Variants in TRIM24 observed in about 807,000 individuals in gnomAD.
The protein encoded by TRIM24 is tripartite motif containing 24, also known as transcription intermediary factor 1-alpha.
A neutral mutation model predicts 123.9 loss-of-function variants in TRIM24; 29 were observed. The observed-to-expected ratio is 0.23, with a 90% CI of 0.17 to 0.32. The LOEUF (loss-of-function observed/expected upper bound fraction) is 0.32. Among genes scored for constraint, TRIM24 ranks in the 10% least tolerant of loss-of-function variants. The pLI, the probability that TRIM24 is intolerant of heterozygous loss-of-function variation, is 1.00. For missense variants in TRIM24, 932 were observed against 1,295.3 expected (o/e 0.72, Z 4.31); for synonymous variants, 456 against 461.1 (o/e 0.99, Z 0.14).
chr7:138,460,453 G>A lies in TRIM24; in HGVS notation c.-96G>A. 8.3e-7 allele frequency: 1 copy of A among 1,205,836 alleles called. No homozygotes were observed. The highest frequency in any genetic ancestry group is 1.0e-6 in the Non-Finnish European group (1 of 960,290). 74.7% of individuals were successfully genotyped at this position (1,205,836 alleles called of 1,614,324 possible). ...GGCGCTGCCGCGAGTCCACCGAGCG[G>A]CCTCTGAGGAGCAGCCGCAGGAGGA... is the stretch of plus-strand genomic sequence containing the variant. On this transcript the variant is annotated 5_prime_UTR_variant, in exon 1 of 19. Coordinates refer to ENST00000343526, the MANE Select transcript of TRIM24 (RefSeq NM_015905.3).
intron 1 of TRIM24, among the ~76,000 whole-genome samples, chr7:138,485,055 A>G (rs1233132043): frequency 6.6e-6 from 1 of 151,972 alleles, no homozygotes; most frequent in Non-Finnish European, 1.5e-5. Context: ...TGCTGATTTT[A>G]TAGGCCTTCC....
intron 1 of TRIM24, among the ~76,000 whole-genome samples, chr7:138,481,708 G>A (rs1355213944): frequency 2.0e-5 from 3 of 152,014 alleles, no homozygotes; most frequent in East Asian, 3.9e-4. Context: ...CTACTTGAGA[G>A]GCTAATGTGG....
chr7:138,566,057 C>G (rs1397714180), intron 9 of TRIM24, among the ~76,000 whole-genome samples: 1 of 152,158 alleles, frequency 6.6e-6, no homozygotes, highest in Non-Finnish European at 1.5e-5. Context: ...ATAGTTTTAT[C>G]AAAGCTTTGC....
At chr7:138,545,165 T>C (rs1426908179) in intron 7 of TRIM24, among the ~76,000 whole-genome samples, 1 of 138,054 alleles carries the variant, frequency 7.2e-6, no homozygotes, top group Non-Finnish European at 1.7e-5. Context: ...AAAATCTGCG[T>C]GTGTGTGTGT....
chr7:138,537,981 G>T (rs1796929269), intron 6 of TRIM24, among the ~76,000 whole-genome samples: 1 of 152,182 alleles, frequency 6.6e-6, no homozygotes, highest in South Asian at 2.1e-4. Context: ...CCCAAGTTCA[G>T]TGTGCTCTAC....
At chr7:138,568,205 G>A (rs936371055) in intron 10 of TRIM24, among the ~76,000 whole-genome samples, 6 of 151,658 alleles carry the variant, frequency 4.0e-5, no homozygotes, top group African/African-American at 1.5e-4. Context: ...TGCAAACTCT[G>A]CCTCCTGGGT....
intron 1 of TRIM24, among the ~76,000 whole-genome samples, chr7:138,470,123 ATTTTTTT>A (rs10542175): frequency 3.1e-3 from 251 of 81,444 alleles, no homozygotes; most frequent in African/African-American, 0.011. Context: ...TACAAGTATA[ATTTTTTT>A]TTTTTTTTTT....
intron 6 of TRIM24, among the ~76,000 whole-genome samples, chr7:138,531,171 A>G (rs1394976795): frequency 7.6e-6 from 1 of 131,774 alleles, no homozygotes; most frequent in East Asian, 1.9e-4. Context: ...CATGTGCACA[A>G]CGTGCACATA....
At chr7:138,563,015 T>C (rs1797458882) in intron 9 of TRIM24, among the ~76,000 whole-genome samples, 1 of 152,190 alleles carries the variant, frequency 6.6e-6, no homozygotes, top group Admixed American at 6.5e-5. Flanking sequence ...CAAAGTGGCC[T>C]CTTCTCTGAG....
At chr7:138,471,123 C>G (rs1359784352) in intron 1 of TRIM24, among the ~76,000 whole-genome samples, 1 of 152,178 alleles carries the variant, frequency 6.6e-6, no homozygotes, top group Non-Finnish European at 1.5e-5. Flanking sequence ...GACTGACATC[C>G]TCCATTACAA....
At chr7:138,479,797 C>T (rs573158624) in intron 1 of TRIM24, among the ~76,000 whole-genome samples, 22 of 151,426 alleles carry the variant, frequency 1.5e-4, no homozygotes, top group South Asian at 4.2e-4. Flanking sequence ...CGTGCCACTG[C>T]GCCCGGCATT....
chr7:138,568,785 G>A (rs1797592922), intron 10 of TRIM24, among the ~76,000 whole-genome samples: 1 of 152,042 alleles, frequency 6.6e-6, no homozygotes, highest in Non-Finnish European at 1.5e-5. Flanking sequence ...AAGCTCCTAT[G>A]ACAACAGCCT....
At position 138,504,333 on chromosome 7, in the gene TRIM24, G is replaced by C; in HGVS notation, c.408G>C (p.Glu136Asp). ...CAGTTTGCAGCCAAGAATGTGCAGA[G>C]AGACACATCATAGATAACTTTTTTG... ...RCPVCSQECAERHIIDNFFVK... is the reference protein window; with the variant it reads ...RCPVCSQECADRHIIDNFFVK... The change falls in exon 2 of 19, where the codon GAG (glutamate) becomes GAC (aspartate). Residue 136 changes from glutamate to aspartate, a missense_variant. Physicochemically the swap from Glu to Asp is conservative, Grantham distance 45. Transcript: ENST00000343526. 6.2e-7 allele frequency: 1 copy of C among 1,601,516 alleles called. No homozygotes were observed. The highest frequency in any genetic ancestry group is 8.5e-7 in the Non-Finnish European group (1 of 1,175,084).
chr7:138,484,982 T>A (rs1268121873), intron 1 of TRIM24, among the ~76,000 whole-genome samples: 2 of 152,110 alleles, frequency 1.3e-5, no homozygotes, highest in African/African-American at 4.8e-5. Flanking sequence ...TAGTTGATAA[T>A]AACCTCTTGG....
intron 9 of TRIM24, among the ~76,000 whole-genome samples, chr7:138,561,437 G>C (rs999607506): frequency 6.6e-6 from 1 of 152,210 alleles, no homozygotes; most frequent in Admixed American, 6.5e-5. Context: ...GTATTTATGT[G>C]AGGATTTTTG....
Position 138,585,220 on chromosome 7 carries a change from GA to G in TRIM24, c.*273del, listed in dbSNP as rs1014994105. 3.3e-6 allele frequency: 1 copy of G among 305,236 alleles called. No homozygotes were observed. Among genetic ancestry groups the G allele is most frequent in the Non-Finnish European group, 6.0e-6 (1 of 167,170 alleles). 18.9% of individuals were successfully genotyped at this position (305,236 alleles called of 1,614,324 possible). ...AAAAAGGATGGAAGAAAGAAGCATT[GA>G]AAACAAAGACATTCTTCCCACTTCT... On this transcript the variant is annotated 3_prime_UTR_variant, in exon 19 of 19. Transcript: ENST00000343526.
Position 138,589,485 on chromosome 7 carries a change from G to A in TRIM24, c.*4534G>A, listed in dbSNP as rs906399060. The A allele has an allele frequency of 1.3e-5, 2 of 152,094 alleles. No homozygotes were observed. The highest frequency in any genetic ancestry group is 6.6e-5 in the Admixed American group (1 of 15,250). 9.4% of individuals were successfully genotyped at this position (152,094 alleles called of 1,614,324 possible). A position where few individuals can be genotyped will look rare whatever the true frequency, so the allele number is the denominator to read the frequency against. ...TACTACTACTGTTGTTCCCCTAGCT[G>A]TAACATTGATCCATATAGGGGCAAG... On this transcript the variant is annotated 3_prime_UTR_variant, in exon 19 of 19. Transcript: ENST00000343526.
chr7:138,463,187 G>T (rs111309855), intron 1 of TRIM24, among the ~76,000 whole-genome samples: 3,468 of 147,270 alleles, frequency 0.024, 139 homozygotes, highest in African/African-American at 0.082. Flanking sequence ...ACCGCACCTG[G>T]CCTGTTCTTA....
chr7:138,544,582 C>A (rs931046282), intron 7 of TRIM24, among the ~76,000 whole-genome samples: 1 of 152,180 alleles, frequency 6.6e-6, no homozygotes, highest in African/African-American at 2.4e-5. Flanking sequence ...ATTTGAAGAA[C>A]CTCCATATCG....
Sources: allele counts gnomAD v4.1 joint callset (sites outside exome capture counted in the v4.1 genomes callset), GRCh38; gene constraint gnomAD v4.1.1; transcripts MANE v1.5; gene names NCBI Gene and HGNC (gene_info 2026-07-23, HGNC 2026-07-21).